Variants in KCNK9 observed in about 807,000 individuals in gnomAD.
The protein encoded by KCNK9 is potassium channel subfamily K member 9.
In KCNK9, 1 loss-of-function variant was observed where a neutral mutation model predicts 10.8. The observed-to-expected ratio is 0.09, with a 90% CI of 0.03 to 0.44. The LOEUF (loss-of-function observed/expected upper bound fraction) is 0.44, where lower values mean the gene tolerates loss of function less well. Among genes scored for constraint, KCNK9 ranks in the 20% least tolerant of loss-of-function variants. The probability of loss-of-function intolerance (pLI) is 0.97; values close to 1 mark genes in which losing one functional copy is unlikely to be tolerated. For synonymous variants in KCNK9, 231 were observed against 222.7 expected, an observed-to-expected ratio of 1.04 and a Z score of -0.33; for missense variants, 303 against 515.0, an observed-to-expected ratio of 0.59 and a Z score of 3.98.
intron 1 of KCNK9, among the ~76,000 whole-genome samples, chr8:139,620,639 C>A (rs1814748409): frequency 6.6e-6 from 1 of 152,142 alleles, no homozygotes; most frequent in Non-Finnish European, 1.5e-5. Flanking sequence ...TACCTACCCC[C>A]ATGGGCCAAA....
At chr8:139,679,747 A>C (rs533128133) in intron 1 of KCNK9, among the ~76,000 whole-genome samples, 1 of 152,292 alleles carries the variant, frequency 6.6e-6, no homozygotes, top group East Asian at 1.9e-4. Context: ...CGGAAGGAGA[A>C]GCTAGAGAGG....
At chr8:139,697,306 T>C (rs547159865) in intron 1 of KCNK9, among the ~76,000 whole-genome samples, 39 of 148,558 alleles carry the variant, frequency 2.6e-4, no homozygotes, top group African/African-American at 9.2e-4. Flanking sequence ...GGTGGATGGA[T>C]AGATGGTGGG....
At chr8:139,679,523 T>C (rs1816637933) in intron 1 of KCNK9, among the ~76,000 whole-genome samples, 2 of 152,226 alleles carry the variant, frequency 1.3e-5, no homozygotes, top group South Asian at 4.1e-4. Flanking sequence ...CCTCTGGGTG[T>C]GCACATCCTT....
chr8:139,608,850 G>A (rs575012679), downstream of KCNK9, among the ~76,000 whole-genome samples: 15 of 152,310 alleles, frequency 9.8e-5, no homozygotes, highest in South Asian at 3.1e-3. Context: ...CGTGGCTCTT[G>A]GCTTATGGTT....
At chr8:139,653,896 TC>T (rs1329258293) in intron 1 of KCNK9, among the ~76,000 whole-genome samples, 8 of 152,080 alleles carry the variant, frequency 5.3e-5, no homozygotes, top group African/African-American at 1.9e-4. Flanking sequence ...CCTCACCAAT[TC>T]CAAGTCCCTA....
At chr8:139,694,020 C>T (rs556418839) in intron 1 of KCNK9, among the ~76,000 whole-genome samples, 20 of 152,284 alleles carry the variant, frequency 1.3e-4, no homozygotes, top group Admixed American at 1.2e-3. Flanking sequence ...CCAAAGCCCC[C>T]GGCTTGACAC....
At chr8:139,632,820 C>T (rs577256401) in intron 1 of KCNK9, among the ~76,000 whole-genome samples, 93 of 152,224 alleles carry the variant, frequency 6.1e-4, no homozygotes, top group African/African-American at 2.2e-3. Context: ...AAAAGTAACC[C>T]GTGATGCATG....
chr8:139,697,850 T>C (rs547391618), intron 1 of KCNK9, among the ~76,000 whole-genome samples: 1 of 152,176 alleles, frequency 6.6e-6, no homozygotes, highest in South Asian at 2.1e-4. Flanking sequence ...CAGTGCTTCC[T>C]AGAGGGCCCA....
At chr8:139,605,739 G>A (rs1022070395) in intron 2 of KCNK9, among the ~76,000 whole-genome samples, 1 of 152,024 alleles carries the variant, frequency 6.6e-6, no homozygotes, top group Non-Finnish European at 1.5e-5. Flanking sequence ...ATATATACAG[G>A]GCTGCGTACC....
intron 1 of KCNK9, among the ~76,000 whole-genome samples, chr8:139,670,994 C>T (rs1816414379): frequency 1.3e-5 from 2 of 152,190 alleles, no homozygotes; most frequent in Admixed American, 6.5e-5. Flanking sequence ...TTGCCACCCC[C>T]AAGCCATGCG....
intron 1 of KCNK9, among the ~76,000 whole-genome samples, chr8:139,624,178 T>C (rs928571900): frequency 6.6e-6 from 1 of 152,194 alleles, no homozygotes; most frequent in Non-Finnish European, 1.5e-5. Flanking sequence ...CTTCACCGCC[T>C]GTTTTGCTGA....
intron 1 of KCNK9, among the ~76,000 whole-genome samples, chr8:139,694,543 C>T (rs867262986): frequency 2.0e-5 from 3 of 152,168 alleles, no homozygotes; most frequent in South Asian, 2.1e-4. Flanking sequence ...AGAGAGGCCA[C>T]GGAGGAGCCC....
chr8:139,627,039 G>A (rs912901657), intron 1 of KCNK9, among the ~76,000 whole-genome samples: 33 of 152,156 alleles, frequency 2.2e-4, no homozygotes, highest in African/African-American at 6.3e-4. Context: ...TGCATGGGTC[G>A]CGCGTAGGGT....
intron 1 of KCNK9, among the ~76,000 whole-genome samples, chr8:139,664,433 G>C (rs750021957): frequency 1.3e-5 from 2 of 150,128 alleles, no homozygotes; most frequent in Non-Finnish European, 2.9e-5. Context: ...ACAGCCTCTA[G>C]GCCTTAACAT....
At chr8:139,653,599 G>A (rs73724502) in intron 1 of KCNK9, among the ~76,000 whole-genome samples, 2,205 of 152,098 alleles carry the variant, frequency 0.014, 53 homozygotes, top group African/African-American at 0.05. Context: ...TAGGGGAGCA[G>A]GTCCAGCCCC....
In KCNK9 at chr8:139,623,779, C is replaced by T. The variant is rs894428143; in HGVS notation, c.284-4680G>A. Among the ~76,000 whole-genome samples the T allele has an allele frequency of 5.9e-5, 9 of 152,256 alleles. 1 individual carries two copies. Among genetic ancestry groups the T allele is most frequent in the Admixed American group, 5.2e-4 (8 of 15,304 alleles). ...CGCTTCCCTCATCATAAAGGGGTCA[C>T]TTATCCCTTTGGCAATGAGACTTCT... On this transcript the variant is annotated intron_variant, in intron 1 of 1. Coordinates refer to ENST00000520439, the MANE Select transcript of KCNK9 (RefSeq NM_001282534.2).
intron 1 of KCNK9, among the ~76,000 whole-genome samples, chr8:139,662,723 A>C (rs917745321): frequency 1.3e-5 from 2 of 151,840 alleles, no homozygotes; most frequent in African/African-American, 4.8e-5. Context: ...TCCATATTTC[A>C]TGAGCACCCA....
intron 1 of KCNK9, among the ~76,000 whole-genome samples, chr8:139,642,939 G>T (rs1815550871): frequency 6.6e-6 from 1 of 152,132 alleles, no homozygotes; most frequent in Non-Finnish European, 1.5e-5. Context: ...CCAAGGAAAA[G>T]AACTCGTGTC....
At chr8:139,639,764 C>G (rs1012156515) in intron 1 of KCNK9, among the ~76,000 whole-genome samples, 1 of 152,206 alleles carries the variant, frequency 6.6e-6, no homozygotes, top group Non-Finnish European at 1.5e-5. Context: ...TGGCAGGGAC[C>G]AGGCTGAGGC....
Sources: allele counts gnomAD v4.1 joint callset (sites outside exome capture counted in the v4.1 genomes callset), GRCh38; gene constraint gnomAD v4.1.1; transcripts MANE v1.5; gene names NCBI Gene and HGNC (gene_info 2026-07-23, HGNC 2026-07-21).